The following HECW2 variants were observed in gnomAD, a reference collection of about 807,000 sequenced individuals.
The protein encoded by HECW2 is HECT, C2 and WW domain containing E3 ubiquitin protein ligase 2, also known as E3 ubiquitin-protein ligase HECW2.
Under a neutral mutation model 175.2 loss-of-function variants are expected in HECW2, and 61 were observed. That is an observed-to-expected ratio of 0.35 (90% confidence interval 0.28 to 0.43). The LOEUF (loss-of-function observed/expected upper bound fraction) is 0.43, where lower values mean the gene tolerates loss of function less well. HECW2 is among the 20% of genes least tolerant of loss of function. The pLI is 1.00. For synonymous variants in HECW2, 671 were observed against 731.0 expected (o/e 0.92, Z 1.32); for missense variants, 1,524 against 2,000.5 (o/e 0.76, Z 4.54).
chr2:196,526,552 C>T (rs1467216139), intron 1 of HECW2, among the ~76,000 whole-genome samples: 4 of 151,646 alleles, frequency 2.6e-5, no homozygotes, highest in Non-Finnish European at 5.9e-5. Context: ...AGGAGAGGCG[C>T]TCTGCGTTTT....
chr2:196,511,983 A>C lies in HECW2; in HGVS notation c.-35-78525T>G, dbSNP rs1687967037. Among the ~76,000 whole-genome samples, 5 of 152,254 alleles carry C rather than the reference A, an allele frequency of 3.3e-5. 1 individual carries two copies. On this transcript the variant is annotated intron_variant, in intron 1 of 28. Transcript: ENST00000644978. ...TGGTGTCCCTCACTGAGGTCTGCTC[A>C]CTGCATGTTCTGTGGAGCAGGAATG...
chr2:196,560,945 G>C (rs1383026638), intron 1 of HECW2, among the ~76,000 whole-genome samples: 1 of 152,084 alleles, frequency 6.6e-6, no homozygotes, highest in Non-Finnish European at 1.5e-5. Context: ...TGCCCAAATT[G>C]TTTGTAAAGC....
chr2:196,401,284 T>A lies in HECW2; in HGVS notation c.292+31848A>T, dbSNP rs531039446. Among the ~76,000 whole-genome samples, 12 of 152,286 alleles carry A rather than the reference T, an allele frequency of 7.9e-5. No individual in the cohort carries two copies. In the South Asian group the frequency reaches 2.3e-3, roughly 29 times the overall value. ...CATATTAAGGAGTACTATCAAGAAG[T>A]TATAAACAATGAATATTGAGATGGA... On this transcript the variant is annotated intron_variant, in intron 2 of 28. Coordinates refer to ENST00000644978, the MANE Select transcript of HECW2 (RefSeq NM_001348768.2).
chr2:196,300,574 A>C (rs1431445866), intron 13 of HECW2, among the ~76,000 whole-genome samples: 1 of 152,204 alleles, frequency 6.6e-6, no homozygotes, highest in African/African-American at 2.4e-5. Context: ...TTGTTCTTCA[A>C]TTACCACTGT....
Position 196,448,109 on chromosome 2 carries a change from T to C in HECW2, c.-35-14651A>G, listed in dbSNP as rs867180684. Among the ~76,000 whole-genome samples, 5 of 152,208 alleles carry C rather than the reference T, an allele frequency of 3.3e-5. No homozygotes were observed. The South Asian group carries it at 6.2e-4, about 19-fold the overall frequency. On this transcript the variant is annotated intron_variant, in intron 1 of 28. Transcript: ENST00000644978. ...TTCATTTGTTATTTGTTCCTTCTAA[T>C]GATCAGGCCATATTTGTGATTATAA... is the stretch of plus-strand genomic sequence containing the variant.
chr2:196,376,939 A>C (rs998075279), intron 2 of HECW2, among the ~76,000 whole-genome samples: 1 of 152,182 alleles, frequency 6.6e-6, no homozygotes, highest in African/African-American at 2.4e-5. Context: ...TCTCAAAAAA[A>C]AAATCAATAC....
intron 1 of HECW2, among the ~76,000 whole-genome samples, chr2:196,448,813 G>C (rs1030350114): frequency 6.6e-6 from 1 of 152,210 alleles, no homozygotes; most frequent in Non-Finnish European, 1.5e-5. Flanking sequence ...TGATAAGCAG[G>C]CATAATTAAA....
chr2:196,377,009 A>C (rs1247189292), intron 2 of HECW2, among the ~76,000 whole-genome samples: 2 of 152,248 alleles, frequency 1.3e-5, no homozygotes, highest in Non-Finnish European at 2.9e-5. Context: ...GAAAAAACAT[A>C]GAGTTACAAA....
At chr2:196,421,712 T>C (rs1380302621) in intron 2 of HECW2, among the ~76,000 whole-genome samples, 1 of 152,158 alleles carries the variant, frequency 6.6e-6, no homozygotes, top group Non-Finnish European at 1.5e-5. Flanking sequence ...GAGTCTCCTT[T>C]AAGGAAAAGT....
rs766661468 is a variant in HECW2 at position 196,325,062 on chromosome 2, C to A, written c.659G>T (p.Ser220Ile). The change falls in exon 6 of 29, where the codon AGT becomes ATT. Residue 220 changes from serine (S) to isoleucine (I), a missense_variant. By Grantham distance (142) the Ser-to-Ile change is moderately radical (BLOSUM62 -2). This residue lies in a region of HECW2 where 95 missense variants were observed against 136.8 expected (regional missense o/e 0.69). Coordinates refer to ENST00000644978, the MANE Select transcript of HECW2 (RefSeq NM_001348768.2). The part of the protein sequence containing the change: ...KMSIQPGKKS[S>I]FPTCAHHGQE... The stretch of plus-strand genomic sequence containing the variant: ...CCCGTGGTGGGCACAGGTGGGGAAA[C>A]TGCTCTTCTTTCCTGGCTGAATTGA... The A allele has an allele frequency of 1.6e-5, 26 of 1,612,704 alleles. No homozygotes were observed. The South Asian group carries it at 2.9e-4, about 18-fold the overall frequency.
chr2:196,504,447 C>T (rs1268282015), intron 1 of HECW2, among the ~76,000 whole-genome samples: 1 of 152,162 alleles, frequency 6.6e-6, no homozygotes, highest in Non-Finnish European at 1.5e-5. Context: ...CTGAGGCCCA[C>T]TCAGTCCCTC....
intron 1 of HECW2, among the ~76,000 whole-genome samples, chr2:196,518,654 C>CAAAAAAAAAAAAAAAAAAAAAAAAAAAAA (rs747681637): frequency 1.3e-5 from 1 of 77,432 alleles, no homozygotes. Flanking sequence ...GATTCTGTCT[C>CAAAAAAAAAAAAAAAAAAAAAAAAAAAAA]AAAAAAAAAA....
rs1282967928 is a variant in HECW2, at chr2:196,194,984, C to T, written c.*6293G>A. The T allele has an allele frequency of 2.0e-5, 3 of 152,016 alleles. No individual in the cohort carries two copies. Among genetic ancestry groups the T allele is most frequent in the Admixed American group, 6.6e-5 (1 of 15,256 alleles). The allele number at this position is 152,016 out of a possible 1,614,324, so 9.4% of individuals were successfully genotyped here. On this transcript the variant is annotated 3_prime_UTR_variant, in exon 29 of 29. Coordinates refer to ENST00000644978, the MANE Select transcript of HECW2 (RefSeq NM_001348768.2). ...TTAGATTAATACTTTCAGTAAGAGGCGAGAGAGATGCATGTATTTTTATTC... is the reference window on the plus strand; with the variant it reads ...TTAGATTAATACTTTCAGTAAGAGGTGAGAGAGATGCATGTATTTTTATTC...
At position 196,378,545 on chromosome 2, in the gene HECW2, A is replaced by T. The variant is rs567351535; in HGVS notation, c.293-34781T>A. Among the ~76,000 whole-genome samples the T allele has an allele frequency of 2.4e-4, 37 of 152,358 alleles. No individual in the cohort carries two copies. The South Asian group carries it at 7.2e-3, about 30-fold the overall frequency. ...AATATTAAAATATATGTAGCCCCTA[A>T]ATAAAATAAAAGTAAAACTCATTAG... On this transcript the variant is annotated intron_variant, in intron 2 of 28. Coordinates refer to ENST00000644978, the MANE Select transcript of HECW2 (RefSeq NM_001348768.2).
Position 196,487,628 on chromosome 2 carries a change from G to A in HECW2, c.-35-54170C>T, listed in dbSNP as rs191981592. Among the ~76,000 whole-genome samples, 4 of 152,234 alleles carry A rather than the reference G, an allele frequency of 2.6e-5. No individual in the cohort carries two copies. The East Asian group carries it at 5.8e-4, about 22-fold the overall frequency. ...GGTGCCTCGCATTACATCCCACACCGAGCAATGCTTTGTTAGATAATTTGA... is the reference window on the plus strand; with the variant it reads ...GGTGCCTCGCATTACATCCCACACCAAGCAATGCTTTGTTAGATAATTTGA... On this transcript the variant is annotated intron_variant, in intron 1 of 28. Coordinates refer to ENST00000644978, the MANE Select transcript of HECW2 (RefSeq NM_001348768.2).
chr2:196,521,601 T>C (rs1383145275), intron 1 of HECW2, among the ~76,000 whole-genome samples: 7 of 149,050 alleles, frequency 4.7e-5, no homozygotes, highest in South Asian at 2.2e-4. Context: ...CATCTAGCAT[T>C]AGGTATATCT....
At chr2:196,539,301 T>C (rs1689127710) in intron 1 of HECW2, among the ~76,000 whole-genome samples, 1 of 152,178 alleles carries the variant, frequency 6.6e-6, no homozygotes, top group African/African-American at 2.4e-5. Context: ...TCAGGAAACG[T>C]GTGACAACTT....
chr2:196,518,086 T>G (rs1688214308), intron 1 of HECW2, among the ~76,000 whole-genome samples: 1 of 152,126 alleles, frequency 6.6e-6, no homozygotes, highest in East Asian at 1.9e-4. Context: ...TGGGATTAAA[T>G]GAAAAAAGAC....
chr2:196,556,214 T>C (rs989423724), intron 1 of HECW2, among the ~76,000 whole-genome samples: 3 of 152,194 alleles, frequency 2.0e-5, no homozygotes, highest in African/African-American at 7.2e-5. Flanking sequence ...TACATGATGT[T>C]TTGATATATG....
Sources: gnomAD v4.1 joint callset for allele counts (sites outside exome capture counted in the v4.1 genomes callset) on GRCh38, gnomAD v4.1.1 for gene constraint, gnomAD v4.1.1 regional missense constraint, MANE v1.5 for transcripts, NCBI Gene and HGNC (gene_info 2026-07-23, HGNC 2026-07-21) for gene names.